Variants in COQ6 observed in about 807,000 individuals in gnomAD.
COQ6 encodes the protein coenzyme Q6, monooxygenase.
COQ6 carries 45 observed loss-of-function variants against 55.5 expected under a neutral mutation model. The ratio of observed to expected loss-of-function variants is 0.81; its 90% confidence interval spans 0.64 to 1.04. The LOEUF is 1.04. Ranked by LOEUF, COQ6 falls within the 50% of genes least tolerant of loss-of-function variation. The probability of loss-of-function intolerance (pLI) is 0.00; values close to 1 mark genes in which losing one functional copy is unlikely to be tolerated. For missense variants in COQ6, 550 were observed against 601.3 expected (o/e 0.91, Z 0.89); for synonymous variants, 206 against 230.5 (o/e 0.89, Z 0.96).
intron 8 of COQ6, chr14:73,960,587 G>A: frequency 9.6e-7 from 1 of 1,036,484 alleles, no homozygotes; most frequent in Non-Finnish European, 1.2e-6. Context: ...CCTCTGCAGT[G>A]CAGTCATTCA....
At chr14:73,954,965 T>A (rs1279459100) in intron 2 of COQ6, among the ~76,000 whole-genome samples, 5 of 146,036 alleles carry the variant, frequency 3.4e-5, no homozygotes, top group Non-Finnish European at 7.6e-5. Flanking sequence ...TTTTTTTTTT[T>A]TTTTGAGACG....
At chr14:73,958,495 C>G in intron 5 of COQ6, 1 of 1,381,640 alleles carries the variant, frequency 7.2e-7, no homozygotes, top group Non-Finnish European at 9.4e-7. Flanking sequence ...TGTGAAATAA[C>G]AGATAGCTGG....
intron 11 of COQ6, 148 bp from the exon 12 acceptor site, chr14:73,962,822 C>T (rs184164714): frequency 6.0e-6 from 4 of 670,582 alleles, no homozygotes; most frequent in African/African-American, 3.6e-5. Context: ...GTCTCTAAAA[C>T]GTGTGTATAT....
At chr14:73,959,585 T>A in intron 8 of COQ6, 63 bp downstream of exon 8, 2 of 1,612,814 alleles carry the variant, frequency 1.2e-6, no homozygotes, top group Non-Finnish European at 1.7e-6. Context: ...GGTGTTGTTT[T>A]TTTTTTTTTG....
chr14:73,962,930 A>C, intron 11 of COQ6, 40 bp from the exon 12 acceptor site: 1 of 1,504,862 alleles, frequency 6.6e-7, no homozygotes, highest in Non-Finnish European at 9.2e-7. Flanking sequence ...TCTTCACCTT[A>C]CTGTGTTAAG....
intron 1 of COQ6, among the ~76,000 whole-genome samples, chr14:73,951,943 A>C (rs1170779726): frequency 7.6e-6 from 1 of 131,482 alleles, no homozygotes; most frequent in Non-Finnish European, 1.6e-5. Flanking sequence ...GCGCCACTGC[A>C]CTCCAGCCTG....
At chr14:73,950,055 T>G, upstream of COQ6, 6 of 1,610,448 alleles carry the variant, frequency 3.7e-6, no homozygotes, top group Non-Finnish European at 5.1e-6. Context: ...GCAGCGACAG[T>G]GACAGCGATA....
In COQ6 at chr14:73,959,050, C is replaced by T; in HGVS notation, c.692C>T (p.Ala231Val). 1 of 1,614,182 alleles carries T rather than the reference C, an allele frequency of 6.2e-7. No homozygotes were observed. The highest frequency in any genetic ancestry group is 8.5e-7 in the Non-Finnish European group (1 of 1,180,044). Residue 231 changes from alanine (A) to valine (V), a missense_variant, in exon 6 of 12, where the codon GCT becomes GTT. Physicochemically the swap from Ala to Val is moderately conservative, Grantham distance 64. Transcript: ENST00000334571. ...GTGAGCTGGAACTATGACCAGTCTG[C>T]TGTTGTGGCTACTCTGCATTTATCA... is the stretch of plus-strand genomic sequence containing the variant. Reference protein sequence around the residue: ...QNVSWNYDQSAVVATLHLSEA... With the variant: ...QNVSWNYDQSVVVATLHLSEA...
chr14:73,954,311 G>A (rs1352207957), intron 2 of COQ6, among the ~76,000 whole-genome samples: 1 of 152,140 alleles, frequency 6.6e-6, no homozygotes, highest in Non-Finnish European at 1.5e-5. Context: ...CTAAAAAATA[G>A]AACATAGGCC....
At chr14:73,950,585 GAC>G (rs1374649470) in intron 1 of COQ6, 90 bp downstream of exon 1, 1 of 1,495,982 alleles carries the variant, frequency 6.7e-7, no homozygotes. Flanking sequence ...CTTGCCCAAA[GAC>G]AATTTCTCAG....
chr14:73,953,480 C>T lies in COQ6; in HGVS notation c.209C>T (p.Ala70Val). The T allele has an allele frequency of 6.2e-7, 1 of 1,613,972 alleles. No individual in the cohort carries two copies. The highest frequency in any genetic ancestry group is 8.5e-7 in the Non-Finnish European group (1 of 1,179,880). ...FHDKKILLLEAGPKKVLEKLS... is the reference protein window; with the variant it reads ...FHDKKILLLEVGPKKVLEKLS... The stretch of plus-strand genomic sequence containing the variant: ...GACAAGAAAATCCTGTTGCTCGAAG[C>T]AGGTCCAAAGAAAGTACTGGAGAAA... The change falls in exon 2 of 12, where the codon GCA (alanine) becomes GTA (valine). Residue 70 changes from alanine to valine, a missense_variant. Coordinates refer to ENST00000334571, the MANE Select transcript of COQ6 (RefSeq NM_182476.3).
chr14:73,956,304 GGC>G, intron 4 of COQ6: 1 of 214,146 alleles, frequency 4.7e-6, no homozygotes, highest in Admixed American at 5.1e-5. Flanking sequence ...CTCCAGCCTG[GGC>G]GACAGAGCAA....
At position 73,955,683 on chromosome 14, in the gene COQ6, C is replaced by T. The variant is rs75531541; in HGVS notation, c.358-122C>T. ...GAATTTTCTTCTCATTTTATATTTT[C>T]CTACCAGAGAGGCTGACAAATTGTG... On this transcript the variant is annotated intron_variant, in intron 3 of 11. Coordinates refer to ENST00000334571, the MANE Select transcript of COQ6 (RefSeq NM_182476.3). 0.031 allele frequency: 46,419 copies of T among 1,496,460 alleles called. 922 individuals are homozygous for T. The highest frequency in any genetic ancestry group is 0.036 in the Non-Finnish European group (38,530 of 1,074,724). 92.7% of individuals were successfully genotyped at this position (1,496,460 alleles called of 1,614,324 possible). A position where few individuals can be genotyped will look rare whatever the true frequency, so the allele number is the denominator to read the frequency against.
intron 11 of COQ6, chr14:73,962,566 A>AC (rs1027766854): frequency 6.9e-5 from 13 of 189,452 alleles, no homozygotes; most frequent in Non-Finnish European, 1.3e-4. Context: ...CTCTTGAAAA[A>AC]AAAAAATGAA....
chr14:73,961,104 C>T, intron 8 of COQ6, 69 bp from the exon 9 acceptor site: 2 of 1,532,546 alleles, frequency 1.3e-6, no homozygotes, highest in Non-Finnish European at 1.8e-6. Flanking sequence ...AACAAGGTTT[C>T]TTTATTGAAT....
chr14:73,953,076 G>A (rs2056263757), intron 1 of COQ6, among the ~76,000 whole-genome samples: 1 of 152,156 alleles, frequency 6.6e-6, no homozygotes, highest in African/African-American at 2.4e-5. Flanking sequence ...GTAATTTTTA[G>A]TGACTTAATA....
Position 73,955,490 on chromosome 14 carries a change from G to C in COQ6, c.338G>C (p.Arg113Thr). 1 of 1,614,062 alleles carries C rather than the reference G, an allele frequency of 6.2e-7. No homozygotes were observed. The highest frequency in any genetic ancestry group is 8.5e-7 in the Non-Finnish European group (1 of 1,179,970). Reference protein sequence around the residue: ...AWDHICNMRYRAFRRMQVWDA... With the variant: ...AWDHICNMRYTAFRRMQVWDA... ...GACCATATCTGCAACATGAGATACA[G>C]AGCCTTTCGGCGAATGCAGGTGCCC... The change falls in exon 3 of 12, where the codon AGA (arginine) becomes ACA (threonine). Residue 113 changes from arginine (R) to threonine (T), a missense_variant. Transcript: ENST00000334571.
chr14:73,963,388 C>T lies in COQ6; in HGVS notation c.*389C>T, dbSNP rs1176848259. On this transcript the variant is annotated 3_prime_UTR_variant, in exon 12 of 12. Coordinates refer to ENST00000334571, the MANE Select transcript of COQ6 (RefSeq NM_182476.3). ...TTTTTTGATAGAGGTAAGAATTAGACTCGATGCATTTTTGTTAGAATTGCT... is the reference window on the plus strand; with the variant it reads ...TTTTTTGATAGAGGTAAGAATTAGATTCGATGCATTTTTGTTAGAATTGCT... 2 of 318,658 alleles carry T rather than the reference C, an allele frequency of 6.3e-6. No individual in the cohort carries two copies. The highest frequency in any genetic ancestry group is 4.3e-5 in the African/African-American group (2 of 46,460). The allele number at this position is 318,658 out of a possible 1,614,324, so 19.7% of individuals were successfully genotyped here.
At chr14:73,955,377 A>T in intron 2 of COQ6, 74 bp from the exon 3 acceptor site, 1 of 1,100,330 alleles carries the variant, frequency 9.1e-7, no homozygotes, top group Middle Eastern at 2.0e-4. Context: ...CCTCTTACGT[A>T]ACAGGATGGA....
Sources: gnomAD v4.1 joint callset for allele counts (sites outside exome capture counted in the v4.1 genomes callset) on GRCh38, gnomAD v4.1.1 for gene constraint, MANE v1.5 for transcripts, NCBI Gene and HGNC (gene_info 2026-07-23, HGNC 2026-07-21) for gene names.